DCC: variants seen among roughly 807,000 people sequenced by gnomAD.
The protein encoded by DCC is netrin receptor DCC.
A neutral mutation model predicts 172.5 loss-of-function variants in DCC; 58 were observed. That is an observed-to-expected ratio of 0.34 (90% CI 0.27 to 0.42). The LOEUF (loss-of-function observed/expected upper bound fraction) is 0.42, where lower values mean the gene tolerates loss of function less well. Ranked by LOEUF, DCC falls within the 10% of genes least tolerant of loss-of-function variation. The pLI, the probability that DCC is intolerant of heterozygous loss-of-function variation, is 1.00. For missense variants in DCC, 1,740 were observed against 1,791.0 expected (o/e 0.97, Z 0.51); for synonymous variants, 709 against 644.5 (o/e 1.10, Z -1.52).
chr18:52,364,030 A>C lies in DCC; in HGVS notation c.91+23152A>C, dbSNP rs1193675877. Among the ~76,000 whole-genome samples, 3 of 152,198 alleles carry C rather than the reference A, an allele frequency of 2.0e-5. No individual in the cohort carries two copies. The South Asian group carries it at 6.2e-4, about 32-fold the overall frequency. On this transcript the variant is annotated intron_variant, in intron 1 of 28. Coordinates refer to ENST00000442544, the MANE Select transcript of DCC (RefSeq NM_005215.4). Reference sequence around the variant, plus strand: ...TCTGGCCCCCTGAGACTGACACCTAAGCAGGTTGGTGTTCCTTGAGTCACC... The same window carrying C: ...TCTGGCCCCCTGAGACTGACACCTACGCAGGTTGGTGTTCCTTGAGTCACC...
At chr18:52,862,459 T>C (rs1277526355) in intron 2 of DCC, among the ~76,000 whole-genome samples, 1 of 151,970 alleles carries the variant, frequency 6.6e-6, no homozygotes, top group Non-Finnish European at 1.5e-5. Context: ...TCCCAACACT[T>C]TGGGAGGCTG....
intron 4 of DCC, among the ~76,000 whole-genome samples, chr18:52,924,283 T>C (rs1410208051): frequency 1.3e-5 from 2 of 152,120 alleles, no homozygotes; most frequent in South Asian, 2.1e-4. Context: ...TGTATACATA[T>C]ACCAAAACAT....
Position 52,654,501 on chromosome 18 carries a change from T to G in DCC, c.92-97553T>G, listed in dbSNP as rs1598990976. On this transcript the variant is annotated intron_variant, in intron 1 of 28. Transcript: ENST00000442544. ...ACATCCAACTCAAGGTATCAGCAGG[T>G]TTAGTTTCTTCTGAGGCCTCTCTTT... is the stretch of plus-strand genomic sequence containing the variant. Among the ~76,000 whole-genome samples the G allele has an allele frequency of 2.0e-5, 3 of 152,082 alleles. No homozygotes were observed. The South Asian group carries it at 6.2e-4, about 32-fold the overall frequency.
intron 1 of DCC, among the ~76,000 whole-genome samples, chr18:52,730,763 T>G (rs2036626667): frequency 6.6e-6 from 1 of 152,182 alleles, no homozygotes; most frequent in Non-Finnish European, 1.5e-5. Context: ...ATATTTGGCC[T>G]AGTCCTCACA....
At chr18:53,296,480 T>C (rs1260804005) in intron 12 of DCC, among the ~76,000 whole-genome samples, 1 of 152,166 alleles carries the variant, frequency 6.6e-6, no homozygotes, top group African/African-American at 2.4e-5. Context: ...GAAAACTCAG[T>C]CTCTGAAGGC....
chr18:53,439,978 G>C (rs543084060), intron 22 of DCC, among the ~76,000 whole-genome samples: 2 of 151,138 alleles, frequency 1.3e-5, no homozygotes, highest in Non-Finnish European at 2.9e-5. Context: ...TTTTAGCCGG[G>C]ATGGTCTCGA....
rs185831886 is a variant in DCC, at chr18:53,025,670, G to A, written c.986-37635G>A. 5.9e-5 allele frequency among the ~76,000 whole-genome samples: 9 copies of A among 152,022 alleles called. No homozygotes were observed. The East Asian group carries it at 1.7e-3, about 29-fold the overall frequency. ...AGTTATATTTATCATGCTTTGCCTA[G>A]CATGTTGGATGGAAATGAAAACCAT... On this transcript the variant is annotated intron_variant, in intron 5 of 28. Transcript: ENST00000442544.
chr18:52,392,328 A>G (rs1202414934), intron 1 of DCC, among the ~76,000 whole-genome samples: 2 of 152,140 alleles, frequency 1.3e-5, no homozygotes, highest in African/African-American at 4.8e-5. Flanking sequence ...AGTCACTCTC[A>G]TGTTCAGTAA....
At chr18:53,438,347 G>A (rs1467572337) in intron 22 of DCC, among the ~76,000 whole-genome samples, 2 of 152,186 alleles carry the variant, frequency 1.3e-5, no homozygotes, top group South Asian at 2.1e-4. Flanking sequence ...GTAAGCCACA[G>A]ACACAAAACT....
In DCC at chr18:53,217,149, T is replaced by A. The variant is rs548889384; in HGVS notation, c.1911+1552T>A. ...TCCAGGAAAAGATGAATGTTTTCAC[T>A]TGAAACGTGTATAGGGCATTACTGA... On this transcript the variant is annotated intron_variant, in intron 12 of 28. Transcript: ENST00000442544. Among the ~76,000 whole-genome samples the A allele has an allele frequency of 1.5e-3, 223 of 152,156 alleles. 1 individual carries two copies. Among genetic ancestry groups the A allele is most frequent in the Middle Eastern group, 0.01 (3 of 294 alleles).
At chr18:53,255,733 C>T (rs757985377) in intron 12 of DCC, among the ~76,000 whole-genome samples, 15 of 151,974 alleles carry the variant, frequency 9.9e-5, no homozygotes, top group South Asian at 2.1e-4. Flanking sequence ...TACCCAGTAA[C>T]GGGATGGCTG....
At chr18:52,536,144 T>C (rs554493785) in intron 1 of DCC, among the ~76,000 whole-genome samples, 1 of 152,216 alleles carries the variant, frequency 6.6e-6, no homozygotes, top group African/African-American at 2.4e-5. Context: ...ACGGGGCTAC[T>C]TGCGGGAGGA....
chr18:53,339,274 A>G (rs1395561058), intron 14 of DCC, among the ~76,000 whole-genome samples: 1 of 152,188 alleles, frequency 6.6e-6, no homozygotes, highest in Non-Finnish European at 1.5e-5. Flanking sequence ...ACAATTACAT[A>G]AGAAAGGACT....
At chr18:53,431,693 C>T (rs1712496051) in intron 21 of DCC, among the ~76,000 whole-genome samples, 2 of 152,092 alleles carry the variant, frequency 1.3e-5, no homozygotes, top group Admixed American at 1.3e-4. Context: ...CCATGTTGCC[C>T]AGGCTGTCTT....
At chr18:53,021,942 C>A (rs540914724) in intron 5 of DCC, among the ~76,000 whole-genome samples, 10 of 152,052 alleles carry the variant, frequency 6.6e-5, no homozygotes, top group Non-Finnish European at 1.3e-4. Flanking sequence ...TCAAATGTTG[C>A]TTTTTGGGTT....
chr18:52,418,203 A>G (rs1987112874), intron 1 of DCC, among the ~76,000 whole-genome samples: 2 of 152,342 alleles, frequency 1.3e-5, no homozygotes, highest in African/African-American at 2.4e-5. Context: ...AGGTTAAGGA[A>G]AAAGAGAAAT....
At position 52,744,441 on chromosome 18, in the gene DCC, A is replaced by G. The variant is rs540206613; in HGVS notation, c.92-7613A>G. Among the ~76,000 whole-genome samples the G allele has an allele frequency of 2.6e-5, 4 of 152,312 alleles. No homozygotes were observed. The East Asian group carries it at 7.7e-4, about 29-fold the overall frequency. On this transcript the variant is annotated intron_variant, in intron 1 of 28. Coordinates refer to ENST00000442544, the MANE Select transcript of DCC (RefSeq NM_005215.4). ...TTTTTTTACATTATTTAAGTTCAGG[A>G]ATTAATTCCACATAACTTAATTCAT...
chr18:53,200,183 C>G (rs1464545532), intron 9 of DCC, among the ~76,000 whole-genome samples: 1 of 152,092 alleles, frequency 6.6e-6, no homozygotes, highest in East Asian at 1.9e-4. Flanking sequence ...TATTTCCCCG[C>G]CAATAGTAAT....
At chr18:52,515,513 A>G (rs944286919) in intron 1 of DCC, among the ~76,000 whole-genome samples, 1 of 148,020 alleles carries the variant, frequency 6.8e-6, no homozygotes, top group African/African-American at 2.5e-5. Context: ...AGGCTGAGGC[A>G]GGAGAATGGC....
Sources: allele counts gnomAD v4.1 joint callset (sites outside exome capture counted in the v4.1 genomes callset), GRCh38; gene constraint gnomAD v4.1.1; transcripts MANE v1.5; gene names NCBI Gene and HGNC (gene_info 2026-07-23, HGNC 2026-07-21).